Variants in ZNF385B observed in about 807,000 individuals in gnomAD.
ZNF385B encodes zinc finger protein 385B, also known as zinc finger protein 533.
In ZNF385B, 23 loss-of-function variants were observed where a neutral mutation model predicts 39.2. The ratio of observed to expected loss-of-function variants is 0.59; its 90% CI spans 0.42 to 0.83. The LOEUF (loss-of-function observed/expected upper bound fraction) is 0.83. ZNF385B is among the 40% of genes least tolerant of loss of function. The pLI is 0.00. For missense variants in ZNF385B, 552 were observed against 598.9 expected (o/e 0.92, Z 0.82); for synonymous variants, 205 against 222.6 (o/e 0.92, Z 0.70).
At chr2:179,730,028 T>A (rs111761633) in intron 3 of ZNF385B, among the ~76,000 whole-genome samples, 1 of 152,208 alleles carries the variant, frequency 6.6e-6, no homozygotes, top group Non-Finnish European at 1.5e-5. Flanking sequence ...AGAAACAGAC[T>A]AATACACCAT....
intron 1 of ZNF385B, among the ~76,000 whole-genome samples, chr2:179,774,995 A>T (rs1290684228): frequency 1.3e-5 from 2 of 152,206 alleles, no homozygotes; most frequent in African/African-American, 4.8e-5. Flanking sequence ...GATGGAGAAG[A>T]TATAGGGCTC....
chr2:179,601,915 T>A (rs74354892), intron 3 of ZNF385B, among the ~76,000 whole-genome samples: 4,572 of 152,272 alleles, frequency 0.03, 93 homozygotes, highest in Middle Eastern at 0.041. Flanking sequence ...TGCTTTTCAC[T>A]ATGACAAGCT....
intron 4 of ZNF385B, among the ~76,000 whole-genome samples, chr2:179,523,356 T>TG (rs71029818): frequency 8.3e-5 from 12 of 144,288 alleles, no homozygotes; most frequent in Admixed American, 1.4e-4. Context: ...GCGTTTTTTT[T>TG]TTTTTTTTTT....
intron 6 of ZNF385B, among the ~76,000 whole-genome samples, chr2:179,459,519 A>C (rs2051060491): frequency 1.3e-5 from 2 of 152,050 alleles, no homozygotes; most frequent in African/African-American, 4.8e-5. Flanking sequence ...CAGGCATGGA[A>C]GTTAGCAGTA....
chr2:179,594,555 A>T (rs1446057846), intron 3 of ZNF385B, among the ~76,000 whole-genome samples: 1 of 152,300 alleles, frequency 6.6e-6, no homozygotes, highest in East Asian at 1.9e-4. Flanking sequence ...CTAACATATG[A>T]CTTGAGCCAG....
At chr2:179,725,114 G>A (rs1273328338) in intron 3 of ZNF385B, among the ~76,000 whole-genome samples, 1 of 151,970 alleles carries the variant, frequency 6.6e-6, no homozygotes, top group African/African-American at 2.4e-5. Flanking sequence ...CTTATATAAT[G>A]TATATTTAAT....
chr2:179,463,513 T>G (rs1016295162), intron 6 of ZNF385B, among the ~76,000 whole-genome samples: 2 of 150,102 alleles, frequency 1.3e-5, no homozygotes, highest in African/African-American at 4.9e-5. Flanking sequence ...AGCCCCCAAC[T>G]CCCCAACAGG....
intron 3 of ZNF385B, among the ~76,000 whole-genome samples, chr2:179,683,350 A>G (rs1697677141): frequency 6.6e-6 from 1 of 152,102 alleles, no homozygotes; most frequent in Non-Finnish European, 1.5e-5. Flanking sequence ...AGATCATGGC[A>G]CTGCACTCCA....
intron 6 of ZNF385B, among the ~76,000 whole-genome samples, chr2:179,468,989 T>A (rs1411041520): frequency 6.6e-6 from 1 of 152,204 alleles, no homozygotes; most frequent in Non-Finnish European, 1.5e-5. Flanking sequence ...AAAATTCTAA[T>A]GTATTTAAAT....
At chr2:179,444,595 T>C (rs1398783545) in intron 9 of ZNF385B, among the ~76,000 whole-genome samples, 1 of 152,214 alleles carries the variant, frequency 6.6e-6, no homozygotes, top group East Asian at 1.9e-4. Context: ...TCACTTGTCC[T>C]TGTTCTTGAG....
rs1362366281 is a variant in ZNF385B, at chr2:179,495,672, T to C, written c.553-12238A>G. On this transcript the variant is annotated intron_variant, in intron 5 of 9. Coordinates refer to ENST00000410066, the MANE Select transcript of ZNF385B (RefSeq NM_152520.6). ...GTTTAGAATGGAGAGAGACCCTATA[T>C]GTTTGGGAGAAATTAAGGGAAAAGG... Among the ~76,000 whole-genome samples the C allele has an allele frequency of 3.3e-5, 5 of 152,132 alleles. No individual in the cohort carries two copies. In the East Asian group the frequency reaches 9.7e-4, roughly 29 times the overall value.
chr2:179,759,421 C>T (rs1166880773), intron 3 of ZNF385B, among the ~76,000 whole-genome samples: 1 of 152,184 alleles, frequency 6.6e-6, no homozygotes, highest in African/African-American at 2.4e-5. Flanking sequence ...TATGTCTTTG[C>T]AGCTGTTTTT....
At chr2:179,630,574 C>G (rs1407030320) in intron 3 of ZNF385B, among the ~76,000 whole-genome samples, 1 of 152,204 alleles carries the variant, frequency 6.6e-6, no homozygotes, top group East Asian at 1.9e-4. Context: ...GAAACCAGAG[C>G]AGAAAAGCTG....
intron 3 of ZNF385B, among the ~76,000 whole-genome samples, chr2:179,754,910 G>GT (rs1702913548): frequency 6.6e-6 from 1 of 152,002 alleles, no homozygotes; most frequent in Non-Finnish European, 1.5e-5. Flanking sequence ...TTTTTGAAGG[G>GT]TTTTTTGTGT....
At chr2:179,829,026 T>TA (rs35970804) in intron 1 of ZNF385B, among the ~76,000 whole-genome samples, 7,876 of 143,798 alleles carry the variant, frequency 0.055, 429 homozygotes, top group African/African-American at 0.14. Context: ...TGGGATGGAT[T>TA]AAAAAAAAAA....
intron 3 of ZNF385B, among the ~76,000 whole-genome samples, chr2:179,726,195 G>A (rs1701009487): frequency 6.6e-6 from 1 of 151,772 alleles, no homozygotes; most frequent in Non-Finnish European, 1.5e-5. Flanking sequence ...GTTCACCTTT[G>A]GTGTCCTGTA....
At chr2:179,558,441 C>T (rs899277605) in intron 3 of ZNF385B, among the ~76,000 whole-genome samples, 5 of 152,100 alleles carry the variant, frequency 3.3e-5, no homozygotes, top group African/African-American at 1.2e-4. Flanking sequence ...ATATTTCCCC[C>T]ATCCCAAGCC....
chr2:179,446,748 G>A lies in ZNF385B; in HGVS notation c.738C>T (p.Ala246=), dbSNP rs750207761. ...DKSEDKGKLK[A]SSSSQPSSSE... ...AGCTTGATGGCTGACTGGAACTGCT[G>A]GCTTTTAACTTCCCTTTATCTTCTA... Residue 246 remains alanine (A), a synonymous_variant, in exon 7 of 10, where the codon GCC becomes GCT. Transcript: ENST00000410066. 2.5e-6 allele frequency: 4 copies of A among 1,612,386 alleles called. No individual in the cohort carries two copies. The Admixed American group carries it at 5.0e-5, about 20-fold the overall frequency.
intron 1 of ZNF385B, among the ~76,000 whole-genome samples, chr2:179,848,858 G>A (rs111888638): frequency 3.3e-5 from 5 of 152,220 alleles, no homozygotes; most frequent in African/African-American, 1.2e-4. Context: ...TTGGGTGTCG[G>A]TCTCTTTCAG....
Sources: gnomAD v4.1 joint callset for allele counts (sites outside exome capture counted in the v4.1 genomes callset) on GRCh38, gnomAD v4.1.1 for gene constraint, MANE v1.5 for transcripts, NCBI Gene and HGNC (gene_info 2026-07-23, HGNC 2026-07-21) for gene names.